IPO7: variants seen among roughly 807,000 people sequenced by gnomAD.
IPO7 encodes the protein importin-7.
In IPO7, 13 loss-of-function variants were observed where a neutral mutation model predicts 136.4. That is an observed-to-expected ratio of 0.10 (90% confidence interval 0.06 to 0.15). The LOEUF (loss-of-function observed/expected upper bound fraction) is 0.15. Among genes scored for constraint, IPO7 ranks in the 10% least tolerant of loss-of-function variants. The pLI, the probability that IPO7 is intolerant of heterozygous loss-of-function variation, is 1.00. For synonymous variants in IPO7, 403 were observed against 404.4 expected (o/e 1.00, Z 0.04); for missense variants, 857 against 1,240.6 (o/e 0.69, Z 4.65).
intron 24 of IPO7, among the ~76,000 whole-genome samples, chr11:9,442,709 A>C: frequency 1.4e-5 from 2 of 147,694 alleles, no homozygotes; most frequent in East Asian, 2.3e-4. Flanking sequence ...CACCACACCC[A>C]GCCCCAGTTT....
Position 9,438,084 on chromosome 11 carries a change from C to G in IPO7, c.2494C>G (p.His832Asp), listed in dbSNP as rs1202142948. ...TTTTTTTTTTTTTTTTTTTAGGCTT[C>G]ATGACAGAAAGATGTGTGTTCTCGG... ...LNDVDCFLGL[H>D]DRKMCVLGLC... is the part of the protein sequence containing the mutation. Residue 832 changes from histidine (H) to aspartate (D), a missense_variant, in exon 22 of 25, where the codon CAT (histidine) becomes GAT (aspartate). Coordinates refer to ENST00000379719, the MANE Select transcript of IPO7 (RefSeq NM_006391.3). 1.4e-6 allele frequency: 1 copy of G among 737,332 alleles called. No individual in the cohort carries two copies. The highest frequency in any genetic ancestry group is 2.1e-6 in the Non-Finnish European group (1 of 479,226). The allele number at this position is 737,332 out of a possible 1,614,324, so 45.7% of individuals were successfully genotyped here. A position where few individuals can be genotyped will look rare whatever the true frequency, so the allele number is the denominator to read the frequency against.
intron 2 of IPO7, among the ~76,000 whole-genome samples, chr11:9,406,767 A>G (rs1701616545): frequency 6.6e-6 from 1 of 152,068 alleles, no homozygotes; most frequent in South Asian, 2.1e-4. Flanking sequence ...CCAGCTACTC[A>G]GGAGGCTGAG....
At chr11:9,419,258 GT>G (rs1304554300) in intron 6 of IPO7, among the ~76,000 whole-genome samples, 1 of 151,846 alleles carries the variant, frequency 6.6e-6, no homozygotes, top group Non-Finnish European at 1.5e-5. Context: ...AAAAAAATAT[GT>G]CATGGATAGG....
At position 9,438,065 on chromosome 11, in the gene IPO7, T is replaced by TTC; in HGVS notation, c.2490-14_2490-13insCT. 9.4e-7 allele frequency: 1 copy of TTC among 1,064,634 alleles called. No homozygotes were observed. The highest frequency in any genetic ancestry group is 1.3e-6 in the Non-Finnish European group (1 of 771,256). 65.9% of individuals were successfully genotyped at this position (1,064,634 alleles called of 1,614,324 possible). A position where few individuals can be genotyped will look rare whatever the true frequency, so the allele number is the denominator to read the frequency against. On this transcript the variant is annotated splice_polypyrimidine_tract_variant and intron_variant, in intron 21 of 24. Coordinates refer to ENST00000379719, the MANE Select transcript of IPO7 (RefSeq NM_006391.3). The stretch of plus-strand genomic sequence containing the variant: ...AAACAGTTTTTTTTTTTTTTTTTTT[T>TTC]TTTTTTTTTTTTAGGCTTCATGACA...
chr11:9,385,323 G>T (rs1854537186), intron 1 of IPO7, among the ~76,000 whole-genome samples: 2 of 152,184 alleles, frequency 1.3e-5, no homozygotes, highest in South Asian at 4.1e-4. Flanking sequence ...TTGTCACTTT[G>T]CTGGGCTGAT....
At chr11:9,397,365 T>TATATATATATATATATATATATA (rs1564992067) in intron 1 of IPO7, among the ~76,000 whole-genome samples, 15 of 94,726 alleles carry the variant, frequency 1.6e-4, no homozygotes, top group African/African-American at 2.0e-4. Context: ...TATATATATA[T>TATATATATATATATATATATATA]TAGTCGGGCA....
chr11:9,424,525 T>C (rs1855176451), intron 10 of IPO7, among the ~76,000 whole-genome samples: 1 of 152,118 alleles, frequency 6.6e-6, no homozygotes, highest in Non-Finnish European at 1.5e-5. Flanking sequence ...AGGCAGATCG[T>C]TTGAGGTCAG....
At chr11:9,419,415 G>C (rs1032920490) in intron 6 of IPO7, among the ~76,000 whole-genome samples, 3 of 151,582 alleles carry the variant, frequency 2.0e-5, no homozygotes, top group African/African-American at 7.3e-5. Context: ...GGGCGTGGTG[G>C]TGCAAGCCTG....
chr11:9,406,855 C>T (rs1454438252), intron 2 of IPO7, among the ~76,000 whole-genome samples: 1 of 151,998 alleles, frequency 6.6e-6, no homozygotes, highest in Admixed American at 6.6e-5. Flanking sequence ...GTCTGGGAAA[C>T]AGAGTGAGAC....
At position 9,446,183 on chromosome 11, in the gene IPO7, A is replaced by G. The variant is rs1855524961; in HGVS notation, c.*989A>G. On this transcript the variant is annotated 3_prime_UTR_variant, in exon 25 of 25. Transcript: ENST00000379719. ...AAAGAGTTGATCTAAGAGTATGGCT[A>G]AACATCTATATATGCAATCTATTAA... is the stretch of plus-strand genomic sequence containing the variant. The G allele has an allele frequency of 2.0e-5, 3 of 152,206 alleles. No individual in the cohort carries two copies. In the South Asian group the frequency reaches 6.2e-4, roughly 31 times the overall value. The allele number at this position is 152,206 out of a possible 1,614,324, so 9.4% of individuals were successfully genotyped here. A position where few individuals can be genotyped will look rare whatever the true frequency, so the allele number is the denominator to read the frequency against.
intron 5 of IPO7, among the ~76,000 whole-genome samples, chr11:9,415,433 T>C (rs1855026826): frequency 6.6e-6 from 1 of 152,202 alleles, no homozygotes; most frequent in African/African-American, 2.4e-5. Context: ...ACAAAACGTA[T>C]TCCTAAACTT....
chr11:9,400,774 T>C (rs1490126557), intron 1 of IPO7, among the ~76,000 whole-genome samples: 2 of 152,188 alleles, frequency 1.3e-5, no homozygotes, highest in African/African-American at 2.4e-5. Context: ...TAGATTCTAA[T>C]GTGAAATAAT....
intron 5 of IPO7, among the ~76,000 whole-genome samples, chr11:9,416,780 C>T (rs1855047533): frequency 6.6e-6 from 1 of 152,028 alleles, no homozygotes; most frequent in African/African-American, 2.4e-5. Flanking sequence ...AATCCTAGAA[C>T]AGAATCTTTC....
At chr11:9,423,259 T>C (rs1017470407) in intron 9 of IPO7, 119 bp downstream of exon 9, 6 of 597,504 alleles carry the variant, frequency 1.0e-5, no homozygotes, top group Non-Finnish European at 1.7e-5. Context: ...CTTCTGGTGA[T>C]TGTTTTGAGA....
intron 1 of IPO7, among the ~76,000 whole-genome samples, chr11:9,393,876 T>C (rs1854672437): frequency 6.6e-6 from 1 of 152,100 alleles, no homozygotes; most frequent in African/African-American, 2.4e-5. Context: ...AATTTCTAAT[T>C]TTTTTCTTTT....
Position 9,424,972 on chromosome 11 carries a change from C to G in IPO7, c.1200C>G (p.Ala400=), listed in dbSNP as rs1323020200. The part of the protein sequence containing the change: ...TTAAQTLLFT[A]CSKRKEVLQK... ...CTGCCCAGACACTTTTGTTTACAGC[C>G]TGTAGTAAGAGGAAAGAGGTAGGCT... The change falls in exon 11 of 25, where the codon GCC becomes GCG. Residue 400 remains alanine (A), a synonymous_variant. Coordinates refer to ENST00000379719, the MANE Select transcript of IPO7 (RefSeq NM_006391.3). 4 of 1,583,498 alleles carry G rather than the reference C, an allele frequency of 2.5e-6. No individual in the cohort carries two copies. In the African/African-American group the frequency reaches 5.5e-5, roughly 22 times the overall value.
chr11:9,391,625 A>ACTCC (rs1466084794), intron 1 of IPO7, among the ~76,000 whole-genome samples: 2 of 152,110 alleles, frequency 1.3e-5, no homozygotes, highest in African/African-American at 4.8e-5. Flanking sequence ...AATGGCATGA[A>ACTCC]CCTGGGAGGC....
At chr11:9,393,185 T>A (rs767254649) in intron 1 of IPO7, among the ~76,000 whole-genome samples, 3 of 152,162 alleles carry the variant, frequency 2.0e-5, no homozygotes, top group Non-Finnish European at 4.4e-5. Flanking sequence ...GATATTCTTC[T>A]GCAGGCAGGT....
chr11:9,435,586 G>A lies in IPO7; in HGVS notation c.2172+555G>A, dbSNP rs568333451. Among the ~76,000 whole-genome samples the A allele has an allele frequency of 2.0e-5, 3 of 152,236 alleles. No individual in the cohort carries two copies. The East Asian group carries it at 5.8e-4, about 29-fold the overall frequency. On this transcript the variant is annotated intron_variant, in intron 19 of 24. Coordinates refer to ENST00000379719, the MANE Select transcript of IPO7 (RefSeq NM_006391.3). ...ACTCATCTCTTTCCTTTCTGAACAC[G>A]AAGTCACACATAATCATCTAGTTAT...
Sources: gnomAD v4.1 joint callset for allele counts (sites outside exome capture counted in the v4.1 genomes callset) on GRCh38, gnomAD v4.1.1 for gene constraint, MANE v1.5 for transcripts, NCBI Gene and HGNC (gene_info 2026-07-23, HGNC 2026-07-21) for gene names.